RFTN2: variants seen among roughly 807,000 people sequenced by gnomAD.
The protein encoded by RFTN2 is raftlin-2.
In RFTN2, 34 loss-of-function variants were observed where a neutral mutation model predicts 52.7. The observed-to-expected ratio is 0.64, with a 90% CI of 0.49 to 0.86. RFTN2 has a LOEUF of 0.86. RFTN2 is among the 40% of genes least tolerant of loss of function. The probability of loss-of-function intolerance (pLI) is 0.00; values close to 1 mark genes in which losing one functional copy is unlikely to be tolerated. For missense variants in RFTN2, 536 were observed against 600.1 expected (o/e 0.89, Z 1.12); for synonymous variants, 203 against 217.7 (o/e 0.93, Z 0.59).
At chr2:197,599,389 G>A (rs2087846065) in intron 7 of RFTN2, among the ~76,000 whole-genome samples, 1 of 152,098 alleles carries the variant, frequency 6.6e-6, no homozygotes, top group South Asian at 2.1e-4. Flanking sequence ...AAATATAAAC[G>A]AATTTGGAAT....
chr2:197,637,703 T>G (rs1468179459), intron 3 of RFTN2, among the ~76,000 whole-genome samples: 1 of 150,892 alleles, frequency 6.6e-6, no homozygotes, highest in Non-Finnish European at 1.5e-5. Context: ...CTGGATTCAT[T>G]AATTTTTTGA....
intron 8 of RFTN2, among the ~76,000 whole-genome samples, chr2:197,595,356 A>G (rs1051353203): frequency 1.3e-5 from 2 of 152,244 alleles, no homozygotes; most frequent in Non-Finnish European, 2.9e-5. Context: ...CAAAAGACAT[A>G]TTAACAGGAG....
intron 1 of RFTN2, among the ~76,000 whole-genome samples, chr2:197,655,780 C>T (rs2088886392): frequency 1.3e-5 from 2 of 152,054 alleles, no homozygotes; most frequent in Non-Finnish European, 2.9e-5. Context: ...GCCGATACCA[C>T]ACCACTGCAC....
chr2:197,639,976 C>A (rs981330851), intron 3 of RFTN2, among the ~76,000 whole-genome samples: 2 of 151,998 alleles, frequency 1.3e-5, no homozygotes, highest in Non-Finnish European at 2.9e-5. Context: ...CCCTCAGATG[C>A]AGGTCTGTTG....
At chr2:197,612,989 C>T (rs1473738610) in intron 7 of RFTN2, among the ~76,000 whole-genome samples, 2 of 151,994 alleles carry the variant, frequency 1.3e-5, no homozygotes, top group South Asian at 2.1e-4. Flanking sequence ...ACATGTGGGC[C>T]GCAAAAAGAA....
intron 1 of RFTN2, among the ~76,000 whole-genome samples, chr2:197,649,255 AC>A (rs2088793614): frequency 6.6e-6 from 1 of 152,210 alleles, no homozygotes; most frequent in Non-Finnish European, 1.5e-5. Context: ...ATGGTTAAGA[AC>A]ATACTGAGAA....
chr2:197,616,797 C>G (rs980084153), intron 6 of RFTN2, among the ~76,000 whole-genome samples: 2 of 152,154 alleles, frequency 1.3e-5, no homozygotes, highest in Non-Finnish European at 2.9e-5. Flanking sequence ...GCTAAGAGCT[C>G]TACCTCTTTC....
intron 8 of RFTN2, among the ~76,000 whole-genome samples, chr2:197,586,271 T>C (rs572102027): frequency 1.3e-5 from 2 of 152,136 alleles, no homozygotes; most frequent in East Asian, 1.9e-4. Context: ...TAGATACTCA[T>C]CGTTTTCTCA....
chr2:197,582,934 G>A (rs559729956), intron 8 of RFTN2, among the ~76,000 whole-genome samples: 27 of 152,026 alleles, frequency 1.8e-4, no homozygotes, highest in South Asian at 1.5e-3. Context: ...CCTTCTCATC[G>A]GTCACTCCCA....
At chr2:197,617,132 T>C (rs1289430872) in intron 6 of RFTN2, among the ~76,000 whole-genome samples, 1 of 151,972 alleles carries the variant, frequency 6.6e-6, no homozygotes, top group Non-Finnish European at 1.5e-5. Flanking sequence ...TTCATAAGGT[T>C]AAAAAAAACC....
chr2:197,660,738 T>C (rs935142435), intron 1 of RFTN2, among the ~76,000 whole-genome samples: 4 of 151,986 alleles, frequency 2.6e-5, no homozygotes, highest in Non-Finnish European at 5.9e-5. Flanking sequence ...TTTGTATTTT[T>C]AGTAGAGACA....
intron 7 of RFTN2, among the ~76,000 whole-genome samples, chr2:197,602,064 T>TTTATTA (rs1314939117): frequency 6.6e-6 from 1 of 152,070 alleles, no homozygotes; most frequent in African/African-American, 2.4e-5. Flanking sequence ...CTATCTTTTT[T>TTTATTA]TTATTATTAT....
intron 3 of RFTN2, among the ~76,000 whole-genome samples, chr2:197,638,701 A>C (rs2088610578): frequency 1.4e-5 from 2 of 147,510 alleles, no homozygotes; most frequent in Non-Finnish European, 3.0e-5. Flanking sequence ...CCAATTTGCC[A>C]GTCTGTGTCT....
At chr2:197,618,422 A>G (rs1215949770) in intron 5 of RFTN2, among the ~76,000 whole-genome samples, 3 of 151,906 alleles carry the variant, frequency 2.0e-5, no homozygotes, top group Non-Finnish European at 4.4e-5. Flanking sequence ...CAGTGGCATG[A>G]TCTCGGCTCG....
intron 8 of RFTN2, among the ~76,000 whole-genome samples, chr2:197,585,305 G>C (rs1331152147): frequency 6.6e-6 from 1 of 152,126 alleles, no homozygotes; most frequent in Non-Finnish European, 1.5e-5. Context: ...ACTGTCTTCT[G>C]ACTAGTCATA....
At chr2:197,660,686 G>T (rs892517463) in intron 1 of RFTN2, among the ~76,000 whole-genome samples, 6 of 151,896 alleles carry the variant, frequency 4.0e-5, no homozygotes, top group Non-Finnish European at 8.8e-5. Flanking sequence ...CACCCGAGTA[G>T]CTGGGATTAC....
intron 7 of RFTN2, among the ~76,000 whole-genome samples, chr2:197,599,104 A>C (rs1239639090): frequency 1.3e-5 from 2 of 151,806 alleles, no homozygotes; most frequent in Non-Finnish European, 2.9e-5. Context: ...GGCACCCACC[A>C]CCATGCCCGG....
At chr2:197,596,175 C>A (rs1213291981) in intron 7 of RFTN2, 106 bp from the exon 8 acceptor site, 2 of 509,710 alleles carry the variant, frequency 3.9e-6, no homozygotes, top group Non-Finnish European at 6.8e-6. Context: ...ATCTTCTGAC[C>A]AAAAATAATT....
intron 3 of RFTN2, among the ~76,000 whole-genome samples, chr2:197,636,902 G>A (rs2088576250): frequency 6.6e-6 from 1 of 151,688 alleles, no homozygotes; most frequent in Admixed American, 6.6e-5. Context: ...TTATTATTTT[G>A]AAATACGTCC....
Sources: allele counts gnomAD v4.1 joint callset (sites outside exome capture counted in the v4.1 genomes callset), GRCh38; gene constraint gnomAD v4.1.1; transcripts MANE v1.5; gene names NCBI Gene and HGNC (gene_info 2026-07-23, HGNC 2026-07-21).